Variants in AFAP1 observed in about 807,000 individuals in gnomAD.
AFAP1 encodes the protein actin filament-associated protein 1.
Under a neutral mutation model 93.9 loss-of-function variants are expected in AFAP1, and 75 were observed. The ratio of observed to expected loss-of-function variants is 0.80; its 90% CI spans 0.66 to 0.97. The LOEUF is 0.97. AFAP1 is among the 50% of genes least tolerant of loss of function. The pLI is 0.00. For missense variants in AFAP1, 1,201 were observed against 1,050.8 expected (o/e 1.14, Z -1.98); for synonymous variants, 517 against 430.7 (o/e 1.20, Z -2.48).
Position 7,809,608 on chromosome 4 carries a change from T to C in AFAP1, c.1054+6A>G. 10 of 1,611,576 alleles carry C rather than the reference T, an allele frequency of 6.2e-6. No homozygotes were observed. The highest frequency in any genetic ancestry group is 2.2e-5 in the East Asian group (1 of 44,842). On this transcript the variant is annotated splice_donor_region_variant and intron_variant, in intron 9 of 17. Coordinates refer to ENST00000420658, the MANE Select transcript of AFAP1 (RefSeq NM_001134647.2). The stretch of plus-strand genomic sequence containing the variant: ...CGCTGCTCGTCTCCGGGAAGCGCAG[T>C]CTTACCGCAGGTGGGAACATCTTCC...
rs115388399 is a variant in AFAP1, at chr4:7,934,013, C to T, written c.-3+5643G>A. On this transcript the variant is annotated intron_variant, in intron 1 of 17. Transcript: ENST00000420658. ...GAAATCCCTAGCGGAGTGTCTGGCA[C>T]GGTGTTGACATCTGACAAGCGTTTC... Among the ~76,000 whole-genome samples the T allele has an allele frequency of 2.9e-3, 449 of 152,298 alleles. 1 individual carries two copies. Among genetic ancestry groups the T allele is most frequent in the African/African-American group, 9.0e-3 (376 of 41,562 alleles).
At chr4:7,783,029 T>A (rs1716924097) in intron 12 of AFAP1, among the ~76,000 whole-genome samples, 1 of 152,248 alleles carries the variant, frequency 6.6e-6, no homozygotes, top group Admixed American at 6.5e-5. Context: ...GTTTCTAGTT[T>A]AAAGTATGTG....
At chr4:7,796,078 C>T (rs1289852729) in intron 10 of AFAP1, among the ~76,000 whole-genome samples, 1 of 151,960 alleles carries the variant, frequency 6.6e-6, no homozygotes, top group African/African-American at 2.4e-5. Flanking sequence ...TGTATGTATC[C>T]ACATCCACAC....
intron 2 of AFAP1, among the ~76,000 whole-genome samples, chr4:7,869,793 G>C (rs1242607028): frequency 6.6e-6 from 1 of 152,092 alleles, no homozygotes; most frequent in African/African-American, 2.4e-5. Context: ...ATGGAGAAAA[G>C]AACTTCGTTA....
At chr4:7,925,870 A>AAAGC (rs1560239591) in intron 1 of AFAP1, among the ~76,000 whole-genome samples, 12 of 151,996 alleles carry the variant, frequency 7.9e-5, no homozygotes, top group African/African-American at 1.4e-4. Context: ...AGAAAGAAAG[A>AAAGC]AAGCAATGAT....
At chr4:7,879,947 GC>G (rs1207922755) in intron 1 of AFAP1, among the ~76,000 whole-genome samples, 1 of 152,048 alleles carries the variant, frequency 6.6e-6, no homozygotes, top group African/African-American at 2.4e-5. Context: ...TTCCAGACAT[GC>G]GCCCCGCCGC....
At chr4:7,899,313 G>A (rs17770321) in intron 1 of AFAP1, among the ~76,000 whole-genome samples, 48,513 of 151,968 alleles carry the variant, frequency 0.32, 9,425 homozygotes, top group Non-Finnish European at 0.45. Context: ...GGTTAGTCCT[G>A]GAGCCTAGCA....
chr4:7,835,040 T>G (rs1712131880), intron 6 of AFAP1, among the ~76,000 whole-genome samples: 1 of 104,620 alleles, frequency 9.6e-6, no homozygotes, highest in Admixed American at 1.1e-4. Flanking sequence ...GACTGTGGGC[T>G]GCCTTAAGGT....
chr4:7,797,561 G>A (rs188001223), intron 10 of AFAP1, among the ~76,000 whole-genome samples: 1 of 152,186 alleles, frequency 6.6e-6, no homozygotes, highest in African/African-American at 2.4e-5. Flanking sequence ...CAGAAAAGCA[G>A]TCTCCTTCCT....
At chr4:7,831,764 G>A (rs546041606) in intron 6 of AFAP1, among the ~76,000 whole-genome samples, 27 of 152,342 alleles carry the variant, frequency 1.8e-4, no homozygotes, top group African/African-American at 6.5e-4. Context: ...CTGAGGAAGA[G>A]CTAAGCACAG....
chr4:7,890,115 G>T (rs537233858), intron 1 of AFAP1, among the ~76,000 whole-genome samples: 294 of 152,022 alleles, frequency 1.9e-3, no homozygotes, highest in Non-Finnish European at 3.1e-3. Flanking sequence ...GAACAATGTT[G>T]GAACACTTCT....
intron 1 of AFAP1, among the ~76,000 whole-genome samples, chr4:7,913,597 GACA>G (rs1370349815): frequency 1.3e-5 from 2 of 152,046 alleles, no homozygotes; most frequent in Non-Finnish European, 2.9e-5. Context: ...ACAATGCCTG[GACA>G]ACAACTAAAA....
At chr4:7,895,469 T>C (rs1363620000) in intron 1 of AFAP1, among the ~76,000 whole-genome samples, 1 of 152,224 alleles carries the variant, frequency 6.6e-6, no homozygotes, top group African/African-American at 2.4e-5. Context: ...AAAGATAATC[T>C]GTAACTTTGT....
At chr4:7,827,850 G>C (rs11736966) in intron 6 of AFAP1, among the ~76,000 whole-genome samples, 1 of 152,112 alleles carries the variant, frequency 6.6e-6, no homozygotes, top group South Asian at 2.1e-4. Context: ...CGTCTCATCC[G>C]AGCGAGGGAG....
chr4:7,795,368 T>G (rs945723790), intron 10 of AFAP1, among the ~76,000 whole-genome samples: 1 of 148,320 alleles, frequency 6.7e-6, no homozygotes, highest in Non-Finnish European at 1.5e-5. Flanking sequence ...ACAAATGTGT[T>G]CTCTTCACAG....
chr4:7,807,055 C>T (rs887970984), intron 9 of AFAP1, among the ~76,000 whole-genome samples: 2 of 152,168 alleles, frequency 1.3e-5, no homozygotes, highest in African/African-American at 4.8e-5. Context: ...CTGTGTGGCT[C>T]CGAGCAAGCC....
At chr4:7,938,517 G>T (rs1295195773) in intron 1 of AFAP1, among the ~76,000 whole-genome samples, 1 of 152,132 alleles carries the variant, frequency 6.6e-6, no homozygotes, top group Non-Finnish European at 1.5e-5. Context: ...GGCAGCATCA[G>T]GTCTTCCCAT....
At position 7,838,656 on chromosome 4, in the gene AFAP1, G is replaced by A. The variant is rs1326666933; in HGVS notation, c.594C>T (p.Leu198=). The change falls in exon 6 of 18, where the codon CTC becomes CTT. Residue 198 remains leucine, a synonymous_variant. Coordinates refer to ENST00000420658, the MANE Select transcript of AFAP1 (RefSeq NM_001134647.2). ...GGATGTACGTAATGTTACAGCCTTG[G>A]AGTGGCAGTTCCATCTGAGGCTGCT... is the stretch of plus-strand genomic sequence containing the variant. ...KDQQPQMELP[L]QGCNITYIPK... 3 of 1,614,000 alleles carry A rather than the reference G, an allele frequency of 1.9e-6. No individual in the cohort carries two copies. The highest frequency in any genetic ancestry group is 1.7e-5 in the Admixed American group (1 of 60,000).
At chr4:7,817,873 C>A (rs535603858) in intron 7 of AFAP1, among the ~76,000 whole-genome samples, 1 of 151,490 alleles carries the variant, frequency 6.6e-6, no homozygotes, top group South Asian at 2.1e-4. Context: ...AGTGTTAAGA[C>A]GAGCTGCATC....
Sources: gnomAD v4.1 joint callset for allele counts (sites outside exome capture counted in the v4.1 genomes callset) on GRCh38, gnomAD v4.1.1 for gene constraint, MANE v1.5 for transcripts, NCBI Gene and HGNC (gene_info 2026-07-23, HGNC 2026-07-21) for gene names.